The following SDK1 variants were observed in gnomAD, a reference collection of about 807,000 sequenced individuals.
The protein encoded by SDK1 is sidekick cell adhesion molecule 1.
Under a neutral mutation model 245.5 loss-of-function variants are expected in SDK1, and 157 were observed. The observed-to-expected ratio is 0.64, with a 90% CI of 0.56 to 0.73. The LOEUF is 0.73. Among genes scored for constraint, SDK1 ranks in the 30% least tolerant of loss-of-function variants. The pLI is 0.00. For missense variants in SDK1, 3,583 were observed against 3,002.3 expected, an observed-to-expected ratio of 1.19 and a Z score of -4.52; for synonymous variants, 1,647 against 1,278.5, an observed-to-expected ratio of 1.29 and a Z score of -6.15.
At chr7:3,623,600 A>G (rs550194537) in intron 2 of SDK1, among the ~76,000 whole-genome samples, 1 of 152,174 alleles carries the variant, frequency 6.6e-6, no homozygotes, top group African/African-American at 2.4e-5. Context: ...AGGTGACTAC[A>G]TTAGCAAGTT....
intron 1 of SDK1, among the ~76,000 whole-genome samples, chr7:3,391,378 T>C (rs1296442289): frequency 6.6e-6 from 1 of 152,176 alleles, no homozygotes; most frequent in Non-Finnish European, 1.5e-5. Context: ...GTAAGCAGTT[T>C]CTTCTAGCAT....
At chr7:3,946,104 A>G (rs1460581602) in intron 5 of SDK1, among the ~76,000 whole-genome samples, 1 of 150,352 alleles carries the variant, frequency 6.7e-6, no homozygotes, top group African/African-American at 2.4e-5. Flanking sequence ...GCTATCAGGT[A>G]TGCATGTCTA....
intron 35 of SDK1, among the ~76,000 whole-genome samples, chr7:4,181,230 G>A (rs114520387): frequency 0.013 from 1,939 of 152,310 alleles, 39 homozygotes; most frequent in African/African-American, 0.045. Context: ...TGCCCTCGGC[G>A]TGAGGTTTTT....
At chr7:4,183,415 C>G (rs185506085) in intron 35 of SDK1, among the ~76,000 whole-genome samples, 1 of 151,876 alleles carries the variant, frequency 6.6e-6, no homozygotes, top group Non-Finnish European at 1.5e-5. Flanking sequence ...GTGGGTGGAT[C>G]GCGAAGTCAG....
At chr7:4,163,747 G>T (rs2128213572) in intron 32 of SDK1, among the ~76,000 whole-genome samples, 1 of 152,318 alleles carries the variant, frequency 6.6e-6, no homozygotes, top group South Asian at 2.1e-4. Flanking sequence ...TGCCAGAGAG[G>T]AACCCGGTGA....
intron 19 of SDK1, among the ~76,000 whole-genome samples, chr7:4,066,446 T>G (rs1350123706): frequency 6.6e-6 from 1 of 152,170 alleles, no homozygotes; most frequent in Non-Finnish European, 1.5e-5. Context: ...TTCCCTCCAT[T>G]TGCTCGTAAG....
chr7:4,124,678 G>A (rs539299207), intron 25 of SDK1, among the ~76,000 whole-genome samples: 1 of 152,222 alleles, frequency 6.6e-6, no homozygotes, highest in African/African-American at 2.4e-5. Flanking sequence ...AACTACTCTC[G>A]TGTAGAAAAT....
intron 1 of SDK1, among the ~76,000 whole-genome samples, chr7:3,338,817 G>A (rs1429811372): frequency 6.6e-6 from 1 of 152,054 alleles, no homozygotes; most frequent in South Asian, 2.1e-4. Flanking sequence ...CCTTAGAGCA[G>A]CCATTATGAA....
At chr7:3,643,991 C>T (rs1012121503) in intron 4 of SDK1, among the ~76,000 whole-genome samples, 1 of 151,204 alleles carries the variant, frequency 6.6e-6, no homozygotes, top group Non-Finnish European at 1.5e-5. Context: ...CAACCTTTCC[C>T]TCCCAGGTTC....
At chr7:4,238,562 CTTT>C (rs58934751) in intron 42 of SDK1, among the ~76,000 whole-genome samples, 1 of 144,822 alleles carries the variant, frequency 6.9e-6, no homozygotes, top group South Asian at 2.2e-4. Context: ...GATCCTGTCT[CTTT>C]TTTTTTTTTA....
chr7:3,930,703 G>T (rs763750112), intron 5 of SDK1, among the ~76,000 whole-genome samples: 6 of 152,172 alleles, frequency 3.9e-5, no homozygotes, highest in Non-Finnish European at 7.3e-5. Flanking sequence ...TGAGGCAAGA[G>T]AATCACTTAA....
At chr7:3,484,601 C>G (rs1342885724) in intron 1 of SDK1, among the ~76,000 whole-genome samples, 3 of 152,180 alleles carry the variant, frequency 2.0e-5, no homozygotes, top group Non-Finnish European at 4.4e-5. Context: ...AACACTAGAA[C>G]TTATTCCTTT....
At chr7:3,636,985 GAAA>G (rs1782474134) in intron 2 of SDK1, among the ~76,000 whole-genome samples, 1 of 152,056 alleles carries the variant, frequency 6.6e-6, no homozygotes, top group Non-Finnish European at 1.5e-5. Flanking sequence ...TGGCTTTGGA[GAAA>G]TGTCTGTCTA....
At chr7:4,097,745 C>G (rs1439380477) in intron 22 of SDK1, among the ~76,000 whole-genome samples, 1 of 152,172 alleles carries the variant, frequency 6.6e-6, no homozygotes, top group Non-Finnish European at 1.5e-5. Flanking sequence ...GACGTGAGAC[C>G]TGTCTGTGGC....
chr7:4,268,409 C>A lies in SDK1; in HGVS notation c.*3025C>A, dbSNP rs1247382390. The A allele has an allele frequency of 2.6e-5, 29 of 1,118,082 alleles. No homozygotes were observed. Among genetic ancestry groups the A allele is most frequent in the Non-Finnish European group, 3.1e-5 (28 of 903,664 alleles). The allele number at this position is 1,118,082 out of a possible 1,614,324, so 69.3% of individuals were successfully genotyped here. A position where few individuals can be genotyped will look rare whatever the true frequency, so the allele number is the denominator to read the frequency against. ...GGGTGAATCGGTCCAGCCCAAGCCC[C>A]TCTCCCCAGCCTCGCCTTCAGCCTC... is the stretch of plus-strand genomic sequence containing the variant. On this transcript the variant is annotated 3_prime_UTR_variant, in exon 45 of 45. Transcript: ENST00000404826.
chr7:3,314,499 A>G (rs1195498613), intron 1 of SDK1, among the ~76,000 whole-genome samples: 1 of 152,220 alleles, frequency 6.6e-6, no homozygotes, highest in Admixed American at 6.5e-5. Context: ...AGTGGTTGAG[A>G]TGGAGCAGCT....
rs1211495807 is a variant in SDK1, at chr7:3,619,356, C to G, written c.458+117C>G. 5 of 807,966 alleles carry G rather than the reference C, an allele frequency of 6.2e-6. No homozygotes were observed. The Admixed American group carries it at 9.7e-5, about 16-fold the overall frequency. The allele number at this position is 807,966 out of a possible 1,614,324, so 50.0% of individuals were successfully genotyped here. On this transcript the variant is annotated intron_variant, in intron 2 of 44. Transcript: ENST00000404826. ...TATTGGATTGAATTTCTAATGCATT[C>G]AAGATTAAAGGAATAGATTTGAATA...
intron 1 of SDK1, among the ~76,000 whole-genome samples, chr7:3,469,719 C>T (rs1781123440): frequency 6.6e-6 from 1 of 152,218 alleles, no homozygotes; most frequent in Non-Finnish European, 1.5e-5. Flanking sequence ...TTTTTCCTTC[C>T]TAGCCATTGA....
At chr7:4,242,005 C>T (rs910328458) in intron 43 of SDK1, 92 bp downstream of exon 43, 40 of 1,466,130 alleles carry the variant, frequency 2.7e-5, no homozygotes, top group South Asian at 1.3e-4. Context: ...TCCTGCATCC[C>T]GCCCTGTGGT....
Sources: gnomAD v4.1 joint callset for allele counts (sites outside exome capture counted in the v4.1 genomes callset) on GRCh38, gnomAD v4.1.1 for gene constraint, MANE v1.5 for transcripts, NCBI Gene and HGNC (gene_info 2026-07-23, HGNC 2026-07-21) for gene names.